Variants in OTULIN observed in about 807,000 individuals in gnomAD.
OTULIN encodes the protein OTU deubiquitinase with linear linkage specificity, also known as ubiquitin thioesterase otulin.
Under a neutral mutation model 39.6 loss-of-function variants are expected in OTULIN, and 15 were observed. The ratio of observed to expected loss-of-function variants is 0.38; its 90% CI spans 0.25 to 0.58. OTULIN has a LOEUF of 0.58. OTULIN is among the 20% of genes least tolerant of loss of function. OTULIN has a pLI of 0.66. For synonymous variants in OTULIN, 156 were observed against 170.3 expected, an observed-to-expected ratio of 0.92 and a Z score of 0.65; for missense variants, 319 against 445.9, an observed-to-expected ratio of 0.72 and a Z score of 2.56.
downstream of OTULIN, among the ~76,000 whole-genome samples, chr5:14,704,058 G>A (rs192207829): frequency 1.3e-5 from 2 of 152,212 alleles, no homozygotes; most frequent in African/African-American, 2.4e-5. Context: ...CTGGCCGGGC[G>A]TGGTGGCTCA....
chr5:14,706,676 C>A, the OTULIN span: 1 of 152,152 alleles, frequency 6.6e-6, no homozygotes, highest in Non-Finnish European at 1.5e-5. Context: ...AGGCAACAGG[C>A]CCTTTTACGT....
chr5:14,710,612 T>A, the OTULIN span: 1 of 159,732 alleles, frequency 6.3e-6, no homozygotes, highest in African/African-American at 2.4e-5. Flanking sequence ...TTCCTCAGTG[T>A]GAACGGGGAC....
rs1229521765 is a variant in OTULIN, at chr5:14,693,808, G to A, written c.*760G>A. On this transcript the variant is annotated 3_prime_UTR_variant, in exon 7 of 7. Transcript: ENST00000284274. ...GGGAACCTAGAACTTCTTGCTCCTT[G>A]TGACTATGACAGATGTCTGATGCCC... 6.6e-6 allele frequency: 1 copy of A among 152,274 alleles called. No individual in the cohort carries two copies. Among genetic ancestry groups the A allele is most frequent in the Admixed American group, 6.5e-5 (1 of 15,284 alleles). The allele number at this position is 152,274 out of a possible 1,614,324, so 9.4% of individuals were successfully genotyped here.
Position 14,694,950 on chromosome 5 carries a change from A to G in OTULIN, c.*1902A>G, listed in dbSNP as rs542767241. 2 of 152,626 alleles carry G rather than the reference A, an allele frequency of 1.3e-5. No homozygotes were observed. Among genetic ancestry groups the G allele is most frequent in the South Asian group, 2.1e-4 (1 of 4,832 alleles). 9.5% of individuals were successfully genotyped at this position (152,626 alleles called of 1,614,324 possible). A position where few individuals can be genotyped will look rare whatever the true frequency, so the allele number is the denominator to read the frequency against. ...ACAACTCGAAACATTTCGATCATAC[A>G]TACATAGCAGTAGAGATCTGTGCCC... On this transcript the variant is annotated 3_prime_UTR_variant, in exon 7 of 7. Coordinates refer to ENST00000284274, the MANE Select transcript of OTULIN (RefSeq NM_138348.6).
intron 1 of OTULIN, 119 bp downstream of exon 1, chr5:14,665,096 G>C (rs2126809098): frequency 1.2e-6 from 1 of 824,312 alleles, no homozygotes; most frequent in Non-Finnish European, 1.5e-6. Context: ...TTCTGAGTGA[G>C]GCCGTTGGCG....
chr5:14,700,946 G>T (rs1174107894), downstream of OTULIN, among the ~76,000 whole-genome samples: 1 of 152,184 alleles, frequency 6.6e-6, no homozygotes, highest in Non-Finnish European at 1.5e-5. Flanking sequence ...TATCGCATCT[G>T]TGTGAGAGTG....
chr5:14,678,920 T>C (rs962440520), intron 3 of OTULIN, 145 bp downstream of exon 3: 27 of 512,038 alleles, frequency 5.3e-5, no homozygotes, highest in Non-Finnish European at 8.2e-5. Flanking sequence ...GTTAAGGAAA[T>C]AGACTCCAAA....
chr5:14,707,203 A>G, the OTULIN span: 1 of 152,200 alleles, frequency 6.6e-6, no homozygotes. Context: ...TTTTAAATAC[A>G]AGAAAATATT....
intron 2 of OTULIN, among the ~76,000 whole-genome samples, chr5:14,676,280 C>CT: frequency 6.6e-6 from 1 of 152,130 alleles, no homozygotes; most frequent in African/African-American, 2.4e-5. Flanking sequence ...TAGAAATGTC[C>CT]TTTTTTGAAA....
chr5:14,700,350 G>A (rs1736771534), downstream of OTULIN, among the ~76,000 whole-genome samples: 4 of 152,188 alleles, frequency 2.6e-5, no homozygotes, highest in South Asian at 8.3e-4. Flanking sequence ...AGAGAGCATT[G>A]AAGACCAGAA....
Position 14,689,019 on chromosome 5 carries a change from A to G in OTULIN, c.595-1020A>G, listed in dbSNP as rs367934160. ...CTTCTATGCCAGGCTCCACACTAAA[A>G]TTTCATGTGTTATTTAATTCTCACA... On this transcript the variant is annotated intron_variant, in intron 5 of 6. Transcript: ENST00000284274. Among the ~76,000 whole-genome samples, 10 of 152,230 alleles carry G rather than the reference A, an allele frequency of 6.6e-5. No homozygotes were observed. The East Asian group carries it at 1.5e-3, about 23-fold the overall frequency.
At chr5:14,715,361 C>A in the OTULIN span, among the ~76,000 whole-genome samples, 1 of 152,136 alleles carries the variant, frequency 6.6e-6, no homozygotes, top group Non-Finnish European at 1.5e-5. Context: ...GAACTCCTGA[C>A]CTCAGATGAT....
chr5:14,702,595 T>TA, downstream of OTULIN, among the ~76,000 whole-genome samples: 1 of 152,250 alleles, frequency 6.6e-6, no homozygotes, highest in African/African-American at 2.4e-5. Context: ...GCTGGCATGA[T>TA]AAAAAGCATG....
chr5:14,665,639 C>G (rs548659988), intron 1 of OTULIN, among the ~76,000 whole-genome samples: 1 of 152,118 alleles, frequency 6.6e-6, no homozygotes, highest in South Asian at 2.1e-4. Flanking sequence ...TCTACACTTT[C>G]AAGTTTTAGG....
At position 14,665,071 on chromosome 5, in the gene OTULIN, C is replaced by CA. The variant is rs1735797064; in HGVS notation, c.152+94_152+95insA. ...GGGTGGGGAGTCGTCAGCGGAGGGTCCTGGGCGTCTTCAATTCTGAGTGAG... is the reference window on the plus strand; with the variant it reads ...GGGTGGGGAGTCGTCAGCGGAGGGTCACTGGGCGTCTTCAATTCTGAGTGAG... On this transcript the variant is annotated intron_variant, in intron 1 of 6. Transcript: ENST00000284274. 5.0e-6 allele frequency: 4 copies of CA among 793,686 alleles called. No homozygotes were observed. In the African/African-American group the frequency reaches 2.6e-4, roughly 52 times the overall value. The allele number at this position is 793,686 out of a possible 1,614,324, so 49.2% of individuals were successfully genotyped here. A position where few individuals can be genotyped will look rare whatever the true frequency, so the allele number is the denominator to read the frequency against.
chr5:14,712,061 C>T, the OTULIN span, among the ~76,000 whole-genome samples: 1 of 152,326 alleles, frequency 6.6e-6, no homozygotes. Context: ...TAATGACCAT[C>T]ATTTCCCTAC....
the OTULIN span, chr5:14,710,934 G>A: frequency 6.7e-6 from 3 of 450,474 alleles, no homozygotes; most frequent in Admixed American, 6.8e-5. Flanking sequence ...TGTGTCTTTT[G>A]GGTTTTCGTG....
intron 4 of OTULIN, among the ~76,000 whole-genome samples, chr5:14,682,522 TG>T (rs1736277359): frequency 6.6e-6 from 1 of 152,014 alleles, no homozygotes; most frequent in Non-Finnish European, 1.5e-5. Flanking sequence ...TGACATTAAC[TG>T]GAAGAAAATT....
the OTULIN span, chr5:14,713,736 C>T: frequency 4.4e-5 from 70 of 1,607,170 alleles, no homozygotes; most frequent in East Asian, 1.5e-3. This position sits in a 1 kb window ranked among gnomAD's most constrained non-coding sequence, Gnocchi z 4.4. Context: ...GCCTCTGGAC[C>T]AGGGCAGCAC....
Sources: gnomAD v4.1 joint callset for allele counts (sites outside exome capture counted in the v4.1 genomes callset) on GRCh38, gnomAD v4.1.1 for gene constraint, Gnocchi (gnomAD v3.1) non-coding constraint, MANE v1.5 for transcripts, NCBI Gene and HGNC (gene_info 2026-07-23, HGNC 2026-07-21) for gene names.